ATP13A1: variants seen among roughly 807,000 people sequenced by gnomAD.
ATP13A1 encodes the protein ATPase 13A1, also known as endoplasmic reticulum transmembrane helix translocase.
ATP13A1 carries 55 observed loss-of-function variants against 134.8 expected under a neutral mutation model. The observed-to-expected ratio is 0.41, with a 90% confidence interval of 0.33 to 0.51. The LOEUF is 0.51. ATP13A1 is among the 20% of genes least tolerant of loss of function. The pLI, the probability that ATP13A1 is intolerant of heterozygous loss-of-function variation, is 0.29. For missense variants in ATP13A1, 1,389 were observed against 1,652.8 expected (o/e 0.84, Z 2.77); for synonymous variants, 775 against 725.1 (o/e 1.07, Z -1.10).
Position 19,653,882 on chromosome 19 carries a change from G to A in ATP13A1, c.2002C>T (p.Pro668Ser), listed in dbSNP as rs1428005998. The change falls in exon 15 of 26, where the codon CCG (proline) becomes TCG (serine). Residue 668 changes from proline (P) to serine (S), a missense_variant. Physicochemically the swap from Pro to Ser is moderately conservative, Grantham distance 74. Around this residue, in one of 4 missense-constraint regions of ATP13A1, gnomAD observed 747 missense variants for 956.1 expected, o/e 0.78. Transcript: ENST00000357324. The surrounding 1 kb of genome is among the most constrained non-coding windows in gnomAD (Gnocchi z 4.2). ...GTGTGGATGTGGTGGTAGTCGGGCG[G>A]GCACTGGGAGAACTGCAGGGAATGC... ...ETLHSMFSQC[P>S]PDYHHIHTEI... 6.4e-7 allele frequency: 1 copy of A among 1,567,242 alleles called. No homozygotes were observed. The highest frequency in any genetic ancestry group is 8.6e-7 in the Non-Finnish European group (1 of 1,156,838).
rs1241043868 is a variant in ATP13A1 at position 19,647,002 on chromosome 19, C to T, written c.3105+127G>A. The T allele has an allele frequency of 9.3e-7, 1 of 1,078,374 alleles. No individual in the cohort carries two copies. Among genetic ancestry groups the T allele is most frequent in the Non-Finnish European group, 1.3e-6 (1 of 767,508 alleles). 66.8% of individuals were successfully genotyped at this position (1,078,374 alleles called of 1,614,324 possible). On this transcript the variant is annotated intron_variant, in intron 22 of 25. Transcript: ENST00000357324. This position sits in a 1 kb window ranked among gnomAD's most constrained non-coding sequence, Gnocchi z 4.8. ...GCCCTGCCAGCATTTCCTGAGCCAT[C>T]CCAGCTACAGCCCCCATCTCTGGGG...
rs557628510 is a variant in ATP13A1 at position 19,646,635 on chromosome 19, A to G, written c.3106-288T>C. 1.2e-5 allele frequency: 6 copies of G among 502,134 alleles called. No homozygotes were observed. The East Asian group carries it at 2.1e-4, about 18-fold the overall frequency. 31.1% of individuals were successfully genotyped at this position (502,134 alleles called of 1,614,324 possible). On this transcript the variant is annotated intron_variant, in intron 22 of 25. Transcript: ENST00000357324. ...TCCTGCCCTCCCTGGAGCCCACGGG[A>G]CAGGCACAGTCCCGCCCAGCCAATC...
rs1214278730 is a variant in ATP13A1 at position 19,663,613 on chromosome 19, G to C, written c.54C>G (p.Cys18Trp). 2.2e-6 allele frequency: 3 copies of C among 1,385,096 alleles called. No homozygotes were observed. The highest frequency in any genetic ancestry group is 7.1e-5 in the Admixed American group (2 of 28,004). 85.8% of individuals were successfully genotyped at this position (1,385,096 alleles called of 1,614,324 possible). Residue 18 changes from cysteine (C) to tryptophan (W), a missense_variant, in exon 1 of 26, where the codon TGC (cysteine) becomes TGG (tryptophan). Around this residue, in one of 4 missense-constraint regions of ATP13A1, gnomAD observed 293 missense variants for 270.8 expected, o/e 1.08. Coordinates refer to ENST00000357324, the MANE Select transcript of ATP13A1 (RefSeq NM_020410.3). ...TGGGCTGCCCGTCAGGCCGGACCCCGCAAGGCCGGGCCCCGCAGGGCACCG... is the reference window on the plus strand; with the variant it reads ...TGGGCTGCCCGTCAGGCCGGACCCCCCAAGGCCGGGCCCCGCAGGGCACCG... ...GNAVPCGARPCGVRPDGQPKP... is the reference protein window; with the variant it reads ...GNAVPCGARPWGVRPDGQPKP...
chr19:19,662,922 G>A (rs566451737), intron 1 of ATP13A1, among the ~76,000 whole-genome samples: 5 of 152,312 alleles, frequency 3.3e-5, no homozygotes, highest in East Asian at 1.9e-4. Flanking sequence ...GCCGTTTCCA[G>A]AACAAGAGTA....
chr19:19,652,446 TG>T, intron 16 of ATP13A1, 148 bp downstream of exon 16: 1 of 1,214,276 alleles, frequency 8.2e-7, no homozygotes, highest in South Asian at 1.5e-5. Flanking sequence ...CTTGGGCCAG[TG>T]GCAATGTTAG....
In ATP13A1 at chr19:19,659,654, G is replaced by T; in HGVS notation, c.624C>A (p.Gly208=). 6.2e-7 allele frequency: 1 copy of T among 1,613,846 alleles called. No homozygotes were observed. The highest frequency in any genetic ancestry group is 8.5e-7 in the Non-Finnish European group (1 of 1,179,824). ...NAFSYYQSNR[G]FQEDSEIRAA... is the part of the protein sequence containing the mutation. The stretch of plus-strand genomic sequence containing the variant: ...CTCGGATCTCTGAGTCTTCCTGGAA[G>T]CCTCTGTTGCTCTGATAGTATGAGA... Residue 208 remains glycine (G), a synonymous_variant, in exon 3 of 26, where the codon GGC becomes GGA. Transcript: ENST00000357324.
chr19:19,646,840 T>G, intron 22 of ATP13A1: 1 of 473,006 alleles, frequency 2.1e-6, no homozygotes, highest in Non-Finnish European at 3.8e-6. Flanking sequence ...ACCCACTTAG[T>G]TGTTTTTTTA....
rs760543105 is a variant in ATP13A1 at position 19,654,162 on chromosome 19, C to T, written c.1814-18G>A. 208 of 1,571,062 alleles carry T rather than the reference C, an allele frequency of 1.3e-4. No individual in the cohort carries two copies. The highest frequency in any genetic ancestry group is 1.7e-4 in the Non-Finnish European group (192 of 1,158,282). On this transcript the variant is annotated intron_variant, in intron 13 of 25. Transcript: ENST00000357324. The stretch of plus-strand genomic sequence containing the variant: ...TTTCTCATCTGGAAACAAATAAGTA[C>T]GAGTCCTGAGGGGCTTTGCTCCAAA...
intron 19 of ATP13A1, among the ~76,000 whole-genome samples, chr19:19,648,431 T>A (rs1212557186): frequency 6.7e-6 from 1 of 148,564 alleles, no homozygotes; most frequent in South Asian, 2.1e-4. Flanking sequence ...AGCAGATAAA[T>A]ATTGGAAAAG....
Position 19,663,252 on chromosome 19 carries a change from C to A in ATP13A1, c.396+19G>T, listed in dbSNP as rs1335715573. ...AGGCTCGACCGTGCTGGGGGTCGGG[C>A]TCGCGTGTACACACTTACCGGGGTG... On this transcript the variant is annotated intron_variant, in intron 1 of 25. Transcript: ENST00000357324. The A allele has an allele frequency of 3.8e-6, 6 of 1,566,334 alleles. No homozygotes were observed. The highest frequency in any genetic ancestry group is 5.2e-6 in the Non-Finnish European group (6 of 1,157,252).
Position 19,663,652 on chromosome 19 carries a change from C to A in ATP13A1, c.15G>T (p.Ala5=). The A allele has an allele frequency of 8.5e-6, 11 of 1,288,768 alleles. No homozygotes were observed. The highest frequency in any genetic ancestry group is 2.4e-5 in the South Asian group (1 of 41,206). 79.8% of individuals were successfully genotyped at this position (1,288,768 alleles called of 1,614,324 possible). A position where few individuals can be genotyped will look rare whatever the true frequency, so the allele number is the denominator to read the frequency against. The stretch of plus-strand genomic sequence containing the variant: ...CGCAGGGCACCGCGTTGCCCACCGC[C>A]GCCGCTGCCGCCATCTTTCCTAGCG... The part of the protein sequence containing the change: MAAA[A]AVGNAVPCGA... Residue 5 remains alanine, a synonymous_variant, in exon 1 of 26, where the codon GCG becomes GCT. Transcript: ENST00000357324.
At chr19:19,659,380 G>A (rs1376345651) in intron 3 of ATP13A1, among the ~76,000 whole-genome samples, 5 of 152,174 alleles carry the variant, frequency 3.3e-5, no homozygotes, top group Admixed American at 2.0e-4. Flanking sequence ...CACTTGAACC[G>A]GGGAGGCGGA....
Position 19,647,170 on chromosome 19 carries a change from G to T in ATP13A1, c.3064C>A (p.Leu1022Met). ...FSDFQATLQG[L>M]LLAGCFLFIS... ...AAGAGGAAGCAGCCGGCCAGCAGCA[G>T]CCCCTGTAGGGTGGCCTGGAAGTCA... is the stretch of plus-strand genomic sequence containing the variant. Residue 1022 changes from leucine to methionine, a missense_variant, in exon 22 of 26, where the codon CTG (leucine) becomes ATG (methionine). By Grantham distance (15) the Leu-to-Met change is conservative. Around this residue, in one of 4 missense-constraint regions of ATP13A1, gnomAD observed 228 missense variants for 321.0 expected, o/e 0.71. Coordinates refer to ENST00000357324, the MANE Select transcript of ATP13A1 (RefSeq NM_020410.3). The surrounding 1 kb of genome is among the most constrained non-coding windows in gnomAD (Gnocchi z 4.8). 2 of 1,613,722 alleles carry T rather than the reference G, an allele frequency of 1.2e-6. No homozygotes were observed. The highest frequency in any genetic ancestry group is 1.7e-6 in the Non-Finnish European group (2 of 1,179,762).
intron 22 of ATP13A1, 95 bp from the exon 23 acceptor site, chr19:19,646,442 G>A (rs1000627132): frequency 8.5e-5 from 124 of 1,455,964 alleles, no homozygotes; most frequent in South Asian, 2.0e-4. Context: ...CCTCCCGGGA[G>A]ACCTTGTGTA....
chr19:19,655,086 G>A lies in ATP13A1; in HGVS notation c.1655+33C>T. ...CTCGACTTCCCAGAAACCCCATCTG[G>A]GTGACCTTTGCTGCAGGGCCCCTGA... On this transcript the variant is annotated intron_variant, in intron 12 of 25. Coordinates refer to ENST00000357324, the MANE Select transcript of ATP13A1 (RefSeq NM_020410.3). The surrounding 1 kb of genome is among the most constrained non-coding windows in gnomAD (Gnocchi z 5.7). The A allele has an allele frequency of 6.2e-7, 1 of 1,611,826 alleles. No homozygotes were observed. Among genetic ancestry groups the A allele is most frequent in the Middle Eastern group, 1.7e-4 (1 of 5,878 alleles).
Position 19,659,665 on chromosome 19 carries a change from T to C in ATP13A1, c.613A>G (p.Ser205Gly). 7 of 1,613,842 alleles carry C rather than the reference T, an allele frequency of 4.3e-6. No homozygotes were observed. Among genetic ancestry groups the C allele is most frequent in the Non-Finnish European group, 5.9e-6 (7 of 1,179,860 alleles). The stretch of plus-strand genomic sequence containing the variant: ...GAGTCTTCCTGGAAGCCTCTGTTGC[T>C]CTGATAGTATGAGAAGGCGTTTCCC... ...PVGNAFSYYQ[S>G]NRGFQEDSEI... The change falls in exon 3 of 26, where the codon AGC (serine) becomes GGC (glycine). Residue 205 changes from serine (S) to glycine (G), a missense_variant. Transcript: ENST00000357324.
rs555799748 is a variant in ATP13A1, at chr19:19,652,466, C to T, written c.2226+129G>A. The stretch of plus-strand genomic sequence containing the variant: ...GCCAGTGGCAATGTTAGCACCTGAG[C>T]TATGATCTTGCTCAGCTAAAACATG... On this transcript the variant is annotated intron_variant, in intron 16 of 25. Coordinates refer to ENST00000357324, the MANE Select transcript of ATP13A1 (RefSeq NM_020410.3). The T allele has an allele frequency of 2.0e-5, 27 of 1,346,118 alleles. No homozygotes were observed. In the South Asian group the frequency reaches 3.5e-4, roughly 17 times the overall value. 83.4% of individuals were successfully genotyped at this position (1,346,118 alleles called of 1,614,324 possible).
At position 19,662,603 on chromosome 19, in the gene ATP13A1, C is replaced by A. The variant is rs141879858; in HGVS notation, c.396+668G>T. 5.8e-3 allele frequency among the ~76,000 whole-genome samples: 890 copies of A among 152,334 alleles called. 12 individuals carry two copies. The highest frequency in any genetic ancestry group is 6.2e-3 in the Non-Finnish European group (423 of 68,034). On this transcript the variant is annotated intron_variant, in intron 1 of 25. Transcript: ENST00000357324. Reference sequence around the variant, plus strand: ...ACACTTGGTCACTCAGAACTCTAAACTGTGGGTCAGGAGCGCGACCTTGCT... The same window carrying A: ...ACACTTGGTCACTCAGAACTCTAAAATGTGGGTCAGGAGCGCGACCTTGCT...
intron 17 of ATP13A1, 120 bp from the exon 18 acceptor site, chr19:19,650,060 C>G (rs1237836222): frequency 1.1e-6 from 1 of 894,598 alleles, no homozygotes; most frequent in East Asian, 2.7e-5. Context: ...CACCTCCCTA[C>G]CCACCCAGGT....
Sources: allele counts gnomAD v4.1 joint callset (sites outside exome capture counted in the v4.1 genomes callset), GRCh38; gene constraint gnomAD v4.1.1; regional missense constraint gnomAD v4.1.1; non-coding constraint Gnocchi (gnomAD v3.1); transcripts MANE v1.5; gene names NCBI Gene and HGNC (gene_info 2026-07-23, HGNC 2026-07-21).